Variants in LRP12 observed in about 807,000 individuals in gnomAD.
LRP12 encodes low-density lipoprotein receptor-related protein 12.
Under a neutral mutation model 66.0 loss-of-function variants are expected in LRP12, and 14 were observed. The observed-to-expected ratio is 0.21, with a 90% CI of 0.14 to 0.33. The LOEUF (loss-of-function observed/expected upper bound fraction) is 0.33, where lower values mean the gene tolerates loss of function less well. Ranked by LOEUF, LRP12 falls within the 10% of genes least tolerant of loss-of-function variation. LRP12 has a pLI of 1.00. For missense variants in LRP12, 889 were observed against 1,053.4 expected (o/e 0.84, Z 2.16); for synonymous variants, 357 against 359.1 (o/e 0.99, Z 0.07).
intron 1 of LRP12, among the ~76,000 whole-genome samples, chr8:104,550,642 C>A (rs924099980): frequency 1.3e-5 from 2 of 152,232 alleles, no homozygotes; most frequent in South Asian, 4.1e-4. Context: ...CCTTCCTTCC[C>A]TTCATGCACT....
In LRP12 at chr8:104,588,835, G is replaced by A. The variant is rs1812379734; in HGVS notation, c.63C>T (p.Phe21=). 3 of 1,612,590 alleles carry A rather than the reference G, an allele frequency of 1.9e-6. No individual in the cohort carries two copies. Among genetic ancestry groups the A allele is most frequent in the African/African-American group, 1.3e-5 (1 of 74,870 alleles). Residue 21 remains phenylalanine, a synonymous_variant, in exon 1 of 7, where the codon TTC becomes TTT. Transcript: ENST00000276654. The stretch of plus-strand genomic sequence containing the variant: ...GACACTTACCGTACACCCCAGCGAG[G>A]AAAAGCAAGAGCAACGCAGACCTCC... ...PRWRSALLLL[F]LAGVYGNGAL... is the part of the protein sequence containing the mutation.
In LRP12 at chr8:104,508,969, C is replaced by T. The variant is rs761996520; in HGVS notation, c.242G>A (p.Arg81Lys). The change falls in exon 3 of 7, where the codon AGG (arginine) becomes AAG (lysine). Residue 81 changes from arginine (R) to lysine (K), a missense_variant. Coordinates refer to ENST00000276654, the MANE Select transcript of LRP12 (RefSeq NM_013437.5). ...AGTAATGATTTCGCCTGGGTTTGCC[C>T]TTATGAACCAGCTACAGTTGATTTT... Reference protein sequence around the residue: ...PAKINCSWFIRANPGEIITIS... With the variant: ...PAKINCSWFIKANPGEIITIS... 2 of 1,613,516 alleles carry T rather than the reference C, an allele frequency of 1.2e-6. No homozygotes were observed. The highest frequency in any genetic ancestry group is 1.7e-6 in the Non-Finnish European group (2 of 1,179,600).
At chr8:104,549,025 ACT>A (rs1811685983) in intron 1 of LRP12, among the ~76,000 whole-genome samples, 1 of 152,072 alleles carries the variant, frequency 6.6e-6, no homozygotes, top group South Asian at 2.1e-4. Context: ...GTCTAAGGTC[ACT>A]CTGGATCCTG....
chr8:104,552,570 C>A (rs554717755), intron 1 of LRP12, among the ~76,000 whole-genome samples: 1 of 152,058 alleles, frequency 6.6e-6, no homozygotes, highest in South Asian at 2.1e-4. Flanking sequence ...CTACTTAAGT[C>A]ATCTCATAGC....
chr8:104,533,974 G>C (rs1408589659), intron 1 of LRP12, among the ~76,000 whole-genome samples: 1 of 151,538 alleles, frequency 6.6e-6, no homozygotes. Context: ...GTGCAATTTA[G>C]GGCAAGTTAC....
At position 104,490,817 on chromosome 8, in the gene LRP12, T is replaced by C. The variant is rs778942507; in HGVS notation, c.2436A>G (p.Ala812=). Residue 812 remains alanine (A), a synonymous_variant, in exon 7 of 7, where the codon GCA becomes GCG. Coordinates refer to ENST00000276654, the MANE Select transcript of LRP12 (RefSeq NM_013437.5). ...TACTTGGCCTTACTCCAGGATTTGT[T>C]GCATTATATGGTTGTCTAAGCCCTT... is the stretch of plus-strand genomic sequence containing the variant. ...QGQGLRQPYN[A]TNPGVRPSNR... The C allele has an allele frequency of 1.2e-6, 2 of 1,614,168 alleles. No homozygotes were observed. Among genetic ancestry groups the C allele is most frequent in the Non-Finnish European group, 1.7e-6 (2 of 1,180,022 alleles).
At chr8:104,536,693 G>A (rs1170353480) in intron 1 of LRP12, among the ~76,000 whole-genome samples, 1 of 151,898 alleles carries the variant, frequency 6.6e-6, no homozygotes. Flanking sequence ...ATAGGGATGA[G>A]GACAGGAGTG....
chr8:104,547,609 T>A (rs1281768160), intron 1 of LRP12, among the ~76,000 whole-genome samples: 1 of 123,062 alleles, frequency 8.1e-6, no homozygotes, highest in Admixed American at 9.0e-5. Flanking sequence ...TAATTATTAA[T>A]ATATAATATA....
chr8:104,516,978 AT>A (rs1405003393), intron 2 of LRP12, among the ~76,000 whole-genome samples: 1 of 152,018 alleles, frequency 6.6e-6, no homozygotes, highest in Non-Finnish European at 1.5e-5. Context: ...ACTAAAAGTT[AT>A]GTGAAATCTT....
In LRP12 at chr8:104,497,861, TG is replaced by T. The variant is rs1407315582; in HGVS notation, c.690del (p.Tyr230Ter). 1 of 1,614,106 alleles carries T rather than the reference TG, an allele frequency of 6.2e-7. No individual in the cohort carries two copies. Among genetic ancestry groups the T allele is most frequent in the Non-Finnish European group, 8.5e-7 (1 of 1,180,046 alleles). ...FQCLSRFTKV[Y>X]TCLPESLKCD... Reference sequence around the variant, plus strand: ...CATTTTAAAGATTCGGGGAGGCAAGTGTAAACTTTGGTAAAACGGGATAAAC... The same window carrying T: ...CATTTTAAAGATTCGGGGAGGCAAGTTAAACTTTGGTAAAACGGGATAAAC... On this transcript the variant is annotated frameshift_variant, in exon 5 of 7. Transcript: ENST00000276654. LOFTEE classifies it high-confidence loss of function. The surrounding 1 kb of genome is among the most constrained non-coding windows in gnomAD (Gnocchi z 4.3).
chr8:104,538,431 C>G (rs4291236), intron 1 of LRP12, among the ~76,000 whole-genome samples: 144,594 of 152,194 alleles, frequency 0.95, 68,772 homozygotes, highest in East Asian at 1. Flanking sequence ...TCTTCTCCCT[C>G]TATCTTCACT....
intron 1 of LRP12, among the ~76,000 whole-genome samples, chr8:104,575,586 G>A (rs746928940): frequency 4.0e-5 from 6 of 151,836 alleles, no homozygotes; most frequent in African/African-American, 1.5e-4. Flanking sequence ...ACAAACACTC[G>A]AAGTTATCAA....
intron 2 of LRP12, among the ~76,000 whole-genome samples, chr8:104,522,122 T>C (rs1025612368): frequency 2.0e-5 from 3 of 152,028 alleles, no homozygotes; most frequent in Non-Finnish European, 4.4e-5. Flanking sequence ...TACCATGTTA[T>C]AATATTTAAG....
intron 1 of LRP12, among the ~76,000 whole-genome samples, chr8:104,536,483 A>G (rs1298013048): frequency 2.0e-5 from 3 of 152,022 alleles, no homozygotes; most frequent in Non-Finnish European, 4.4e-5. Context: ...TTTGTTTTGC[A>G]ACCCCAGCGA....
At chr8:104,552,242 C>G (rs543974344) in intron 1 of LRP12, among the ~76,000 whole-genome samples, 1 of 151,774 alleles carries the variant, frequency 6.6e-6, no homozygotes, top group African/African-American at 2.4e-5. Flanking sequence ...AGCTTTAGAA[C>G]TTGTTGGGGA....
chr8:104,515,314 T>C (rs1023376731), intron 2 of LRP12, among the ~76,000 whole-genome samples: 1 of 152,214 alleles, frequency 6.6e-6, no homozygotes, highest in Non-Finnish European at 1.5e-5. Context: ...AGAATTAGTT[T>C]ATATGTAATT....
chr8:104,495,932 CAAA>C (rs71297279), intron 5 of LRP12: 2 of 93,178 alleles, frequency 2.1e-5, no homozygotes, highest in Non-Finnish European at 4.8e-5. Context: ...AAACAAACAA[CAAA>C]AAAAAAAAAA....
At chr8:104,512,270 T>C (rs1268249612) in intron 2 of LRP12, among the ~76,000 whole-genome samples, 1 of 152,128 alleles carries the variant, frequency 6.6e-6, no homozygotes, top group Non-Finnish European at 1.5e-5. Flanking sequence ...TAAGCTGAGA[T>C]CGTGCCACTG....
Position 104,497,093 on chromosome 8 carries a change from C to T in LRP12, c.1459G>A (p.Val487Ile). The change falls in exon 5 of 7, where the codon GTA becomes ATA. Residue 487 changes from valine (V) to isoleucine (I), a missense_variant. Val to Ile is a conservative substitution (Grantham distance 29). Transcript: ENST00000276654. This position sits in a 1 kb window ranked among gnomAD's most constrained non-coding sequence, Gnocchi z 4.3. ...GTGATGACTCTTGTAGGCACGATTA[C>T]TGGGCAATTTTCTTCATCGCTGCCA... The part of the protein sequence containing the change: ...GDGSDEENCP[V>I]IVPTRVITAA... 6.2e-7 allele frequency: 1 copy of T among 1,613,670 alleles called. No homozygotes were observed. Among genetic ancestry groups the T allele is most frequent in the Admixed American group, 1.7e-5 (1 of 59,986 alleles).
Sources: allele counts gnomAD v4.1 joint callset (sites outside exome capture counted in the v4.1 genomes callset), GRCh38; gene constraint gnomAD v4.1.1; non-coding constraint Gnocchi (gnomAD v3.1); transcripts MANE v1.5; gene names NCBI Gene and HGNC (gene_info 2026-07-23, HGNC 2026-07-21).